SLC25A26: variants seen among roughly 807,000 people sequenced by gnomAD.
SLC25A26 encodes the protein mitochondrial S-adenosylmethionine carrier protein.
In SLC25A26, 36 loss-of-function variants were observed where a neutral mutation model predicts 37.8. The observed-to-expected ratio is 0.95, with a 90% CI of 0.73 to 1.26. The LOEUF is 1.26. Among genes scored for constraint, SLC25A26 ranks in the 50% most tolerant of loss-of-function variants. The pLI is 0.00. For missense variants in SLC25A26, 390 were observed against 331.1 expected (o/e 1.18, Z -1.38); for synonymous variants, 129 against 122.5 (o/e 1.05, Z -0.35).
intron 1 of SLC25A26, among the ~76,000 whole-genome samples, chr3:66,226,030 AC>A (rs1191172525): frequency 1.3e-5 from 2 of 152,162 alleles, no homozygotes; most frequent in Non-Finnish European, 2.9e-5. Context: ...CCTGCTTGTT[AC>A]CCATTCTGAA....
rs375972702 is a variant in SLC25A26 at position 66,377,843 on chromosome 3, G to C, written c.*36G>C. ...AGCCTCACCTCCACTTCTGTCAAGA[G>C]AGGGGCCTGCAGTGCAAACCCTCTT... On this transcript the variant is annotated 3_prime_UTR_variant, in exon 10 of 10. Transcript: ENST00000354883. The C allele has an allele frequency of 1.3e-6, 2 of 1,522,934 alleles. No individual in the cohort carries two copies. Among genetic ancestry groups the C allele is most frequent in the Admixed American group, 3.3e-5 (2 of 59,868 alleles). The allele number at this position is 1,522,934 out of a possible 1,614,324, so 94.3% of individuals were successfully genotyped here. A position where few individuals can be genotyped will look rare whatever the true frequency, so the allele number is the denominator to read the frequency against.
chr3:66,345,316 C>T (rs1414284032), intron 5 of SLC25A26, among the ~76,000 whole-genome samples: 5 of 152,058 alleles, frequency 3.3e-5, no homozygotes, highest in Non-Finnish European at 7.4e-5. Context: ...CTGCTCTGTT[C>T]CTGGAGACCT....
At chr3:66,356,216 G>GATCT in intron 6 of SLC25A26, 1 of 381,940 alleles carries the variant, frequency 2.6e-6, no homozygotes. Flanking sequence ...TTAAATAGAA[G>GATCT]ACACTTGGTC....
intron 3 of SLC25A26, among the ~76,000 whole-genome samples, chr3:66,245,182 A>G (rs2072771757): frequency 6.6e-6 from 1 of 151,560 alleles, no homozygotes. Context: ...TACTGGGATC[A>G]TAGGCATGAC....
chr3:66,234,116 G>C (rs1412881701), intron 1 of SLC25A26, among the ~76,000 whole-genome samples: 2 of 151,920 alleles, frequency 1.3e-5, no homozygotes, highest in Non-Finnish European at 2.9e-5. Context: ...GAGTCTCCCT[G>C]TGTTGCCCAG....
At chr3:66,298,115 G>T (rs1576823386) in intron 5 of SLC25A26, among the ~76,000 whole-genome samples, 1 of 152,130 alleles carries the variant, frequency 6.6e-6, no homozygotes. Flanking sequence ...TTGGGGTGAG[G>T]CCCAGAATTT....
chr3:66,366,877 G>T (rs550873758), intron 7 of SLC25A26, among the ~76,000 whole-genome samples: 1 of 152,194 alleles, frequency 6.6e-6, no homozygotes, highest in African/African-American at 2.4e-5. Context: ...TGTGGCCTGG[G>T]CAAGTAAGTT....
chr3:66,205,441 T>C (rs2071163733), intron 1 of SLC25A26, among the ~76,000 whole-genome samples: 1 of 152,162 alleles, frequency 6.6e-6, no homozygotes, highest in South Asian at 2.1e-4. Context: ...TGCAGGTAAT[T>C]GACTAAAATA....
chr3:66,253,032 C>G (rs903048203), intron 3 of SLC25A26, among the ~76,000 whole-genome samples: 6 of 148,536 alleles, frequency 4.0e-5, no homozygotes, highest in Non-Finnish European at 4.5e-5. Context: ...TGCCCCCCCC[C>G]CCCCATAAAT....
chr3:66,376,577 T>C (rs1700659671), intron 9 of SLC25A26, among the ~76,000 whole-genome samples: 1 of 152,226 alleles, frequency 6.6e-6, no homozygotes. Context: ...GTATGTACAA[T>C]TTTTAGACAT....
At chr3:66,280,584 C>G (rs1379516566) in intron 5 of SLC25A26, among the ~76,000 whole-genome samples, 1 of 152,096 alleles carries the variant, frequency 6.6e-6, no homozygotes. Context: ...TCTTAACGCT[C>G]GTCTAGTAAC....
intron 9 of SLC25A26, among the ~76,000 whole-genome samples, chr3:66,375,114 C>T (rs917311960): frequency 6.6e-6 from 1 of 152,212 alleles, no homozygotes; most frequent in African/African-American, 2.4e-5. Flanking sequence ...GATAGAAGAT[C>T]AGACCGGCCA....
At chr3:66,211,984 T>C (rs1278921622) in intron 1 of SLC25A26, among the ~76,000 whole-genome samples, 1 of 152,252 alleles carries the variant, frequency 6.6e-6, no homozygotes, top group African/African-American at 2.4e-5. Flanking sequence ...GCAGTTTCAC[T>C]TTCTGTGATT....
At chr3:66,253,535 A>G (rs945372450) in intron 3 of SLC25A26, among the ~76,000 whole-genome samples, 3 of 152,020 alleles carry the variant, frequency 2.0e-5, no homozygotes, top group African/African-American at 7.2e-5. Flanking sequence ...TGGTCCAAAG[A>G]TAGAGCGAGG....
intron 5 of SLC25A26, among the ~76,000 whole-genome samples, chr3:66,302,554 G>C (rs1463240349): frequency 1.3e-5 from 2 of 152,164 alleles, no homozygotes; most frequent in African/African-American, 4.8e-5. Context: ...GCAGTTTAGA[G>C]TAAGCAGCGG....
intron 5 of SLC25A26, among the ~76,000 whole-genome samples, chr3:66,300,778 C>T (rs2075054370): frequency 6.6e-6 from 1 of 152,134 alleles, no homozygotes; most frequent in Non-Finnish European, 1.5e-5. Context: ...TGGACTAGTA[C>T]TGATATTTTT....
intron 1 of SLC25A26, among the ~76,000 whole-genome samples, chr3:66,209,827 A>G (rs1226811560): frequency 1.5e-5 from 2 of 131,462 alleles, no homozygotes; most frequent in South Asian, 4.9e-4. Context: ...ATACACACAC[A>G]CACACCTTAT....
At chr3:66,297,201 G>T (rs1292626142) in intron 5 of SLC25A26, among the ~76,000 whole-genome samples, 1 of 151,948 alleles carries the variant, frequency 6.6e-6, no homozygotes, top group Non-Finnish European at 1.5e-5. Flanking sequence ...GGTTGTGGGT[G>T]CCTGTAATCC....
chr3:66,234,172 A>T (rs1039007488), intron 1 of SLC25A26, among the ~76,000 whole-genome samples: 9 of 152,130 alleles, frequency 5.9e-5, no homozygotes, highest in Non-Finnish European at 1.2e-4. Flanking sequence ...AGCTCACTGT[A>T]ATCTCAAATT....
Sources: gnomAD v4.1 joint callset for allele counts (sites outside exome capture counted in the v4.1 genomes callset) on GRCh38, gnomAD v4.1.1 for gene constraint, MANE v1.5 for transcripts, NCBI Gene and HGNC (gene_info 2026-07-23, HGNC 2026-07-21) for gene names.